FIG4: variants seen among roughly 807,000 people sequenced by gnomAD.
The protein encoded by FIG4 is FIG4 phosphoinositide 5-phosphatase, also known as polyphosphoinositide phosphatase.
In FIG4, 112 loss-of-function variants were observed where a neutral mutation model predicts 118.6. The observed-to-expected ratio is 0.94, with a 90% CI of 0.81 to 1.11. The LOEUF (loss-of-function observed/expected upper bound fraction) is 1.11, where lower values mean the gene tolerates loss of function less well. Ranked by LOEUF, FIG4 falls within the 50% of genes least tolerant of loss-of-function variation. The pLI is 0.00. For synonymous variants in FIG4, 369 were observed against 381.2 expected, an observed-to-expected ratio of 0.97 and a Z score of 0.37; for missense variants, 969 against 1,111.7, an observed-to-expected ratio of 0.87 and a Z score of 1.83.
intron 7 of FIG4, among the ~76,000 whole-genome samples, chr6:109,740,941 G>A (rs1241702866): frequency 1.3e-5 from 2 of 152,084 alleles, no homozygotes; most frequent in African/African-American, 2.4e-5. Flanking sequence ...AAGAGAGAGC[G>A]AGCAAAGGGG....
chr6:109,742,023 G>A (rs373336012), intron 8 of FIG4, among the ~76,000 whole-genome samples: 1 of 152,014 alleles, frequency 6.6e-6, no homozygotes, highest in South Asian at 2.1e-4. Flanking sequence ...ATACTCCAGT[G>A]CATCTGAAAC....
At chr6:109,778,756 G>A (rs917313441) in intron 16 of FIG4, among the ~76,000 whole-genome samples, 4 of 152,056 alleles carry the variant, frequency 2.6e-5, no homozygotes, top group African/African-American at 9.6e-5. Context: ...CCACCACCAT[G>A]CCCAGCTAAT....
chr6:109,792,604 A>G lies in FIG4; in HGVS notation c.2399A>G (p.Glu800Gly). Residue 800 changes from glutamate (E) to glycine (G), a missense_variant, in exon 21 of 23, where the codon GAG (glutamate) becomes GGG (glycine). Transcript: ENST00000230124. ...CAGAATGTGGTCCAACCCATGAAGG[A>G]GCTATATGGAATTAACCTCTCAGAT... ...VTENVVQPMK[E>G]LYGINLSDGL... 1 of 1,601,942 alleles carries G rather than the reference A, an allele frequency of 6.2e-7. No homozygotes were observed.
At chr6:109,786,034 C>G in intron 17 of FIG4, 1 of 469,996 alleles carries the variant, frequency 2.1e-6, no homozygotes, top group Non-Finnish European at 3.8e-6. Flanking sequence ...AGAACCTCCT[C>G]TAAATAACTG....
chr6:109,708,809 A>G (rs1775169205), intron 1 of FIG4, among the ~76,000 whole-genome samples: 1 of 151,380 alleles, frequency 6.6e-6, no homozygotes, highest in Non-Finnish European at 1.5e-5. Context: ...CCATTTTTTA[A>G]TGATTTTTTT....
At chr6:109,737,522 G>A (rs1365570448) in intron 6 of FIG4, among the ~76,000 whole-genome samples, 1 of 151,920 alleles carries the variant, frequency 6.6e-6, no homozygotes. Flanking sequence ...ATCTAAGTGT[G>A]GTATAGTGTA....
chr6:109,723,017 T>A (rs1775658449), intron 3 of FIG4, among the ~76,000 whole-genome samples: 1 of 152,138 alleles, frequency 6.6e-6, no homozygotes, highest in African/African-American at 2.4e-5. Flanking sequence ...TGGGAGGCAG[T>A]GTGGAAGGGG....
chr6:109,691,595 C>G, intron 1 of FIG4, 94 bp downstream of exon 1: 1 of 1,079,688 alleles, frequency 9.3e-7, no homozygotes, highest in East Asian at 2.6e-5. Flanking sequence ...CTGCCTCCTC[C>G]TCCTTCCTCT....
intron 16 of FIG4, among the ~76,000 whole-genome samples, chr6:109,779,271 C>A (rs1221539102): frequency 6.6e-6 from 1 of 152,064 alleles, no homozygotes; most frequent in Non-Finnish European, 1.5e-5. Flanking sequence ...TGGGAACAGC[C>A]ATAACTCAAT....
intron 10 of FIG4, among the ~76,000 whole-genome samples, chr6:109,754,979 C>G (rs1776837727): frequency 6.6e-6 from 1 of 152,038 alleles, no homozygotes; most frequent in Non-Finnish European, 1.5e-5. Context: ...CTTCTTCTAG[C>G]TTTTGAATGT....
intron 1 of FIG4, among the ~76,000 whole-genome samples, chr6:109,711,355 C>T (rs1006803694): frequency 3.9e-5 from 6 of 152,060 alleles, no homozygotes; most frequent in South Asian, 2.1e-4. Flanking sequence ...GCCGAGATTG[C>T]GCCACTGCAC....
intron 1 of FIG4, among the ~76,000 whole-genome samples, chr6:109,710,908 T>A (rs1775237992): frequency 7.9e-6 from 1 of 126,594 alleles, no homozygotes; most frequent in Non-Finnish European, 1.8e-5. Flanking sequence ...TTATTAGTTT[T>A]TAAAAAAAAA....
At chr6:109,756,310 T>A (rs1776897960) in intron 10 of FIG4, among the ~76,000 whole-genome samples, 1 of 152,216 alleles carries the variant, frequency 6.6e-6, no homozygotes, top group Non-Finnish European at 1.5e-5. Context: ...AGATCCACTG[T>A]TAGTCTGTTG....
chr6:109,800,778 T>C (rs926423372), intron 22 of FIG4, among the ~76,000 whole-genome samples: 2 of 152,152 alleles, frequency 1.3e-5, no homozygotes, highest in Non-Finnish European at 2.9e-5. Flanking sequence ...TATTGTGTTT[T>C]TTCCTTATAA....
chr6:109,800,288 T>C (rs997612451), intron 22 of FIG4, among the ~76,000 whole-genome samples: 1 of 152,224 alleles, frequency 6.6e-6, no homozygotes, highest in African/African-American at 2.4e-5. Flanking sequence ...GCATCTGACA[T>C]GACCTGGATT....
chr6:109,762,232 T>C (rs1177114304), intron 12 of FIG4, 25 bp downstream of exon 12: 11 of 1,362,698 alleles, frequency 8.1e-6, no homozygotes, highest in Middle Eastern at 1.8e-4. Context: ...TTAAAACTTA[T>C]AATAAATGAT....
chr6:109,824,850 G>A (rs975499189), intron 22 of FIG4, among the ~76,000 whole-genome samples: 1 of 152,096 alleles, frequency 6.6e-6, no homozygotes, highest in Non-Finnish European at 1.5e-5. Context: ...AAACAGAGGA[G>A]AGGGGTGTGC....
chr6:109,742,501 T>A (rs1267327657), intron 8 of FIG4, among the ~76,000 whole-genome samples: 1 of 152,114 alleles, frequency 6.6e-6, no homozygotes, highest in Non-Finnish European at 1.5e-5. Context: ...AATAGCAACA[T>A]TGTTCTTAAA....
At chr6:109,717,731 A>G (rs1219859591) in intron 3 of FIG4, among the ~76,000 whole-genome samples, 1 of 152,206 alleles carries the variant, frequency 6.6e-6, no homozygotes, top group African/African-American at 2.4e-5. Context: ...GCAGAGGCAC[A>G]TACATGAAGG....
Sources: allele counts gnomAD v4.1 joint callset (sites outside exome capture counted in the v4.1 genomes callset), GRCh38; gene constraint gnomAD v4.1.1; transcripts MANE v1.5; gene names NCBI Gene and HGNC (gene_info 2026-07-23, HGNC 2026-07-21).